ATP6V0D1: variants seen among roughly 807,000 people sequenced by gnomAD.
ATP6V0D1 encodes V-type proton ATPase subunit d 1.
Under a neutral mutation model 39.0 loss-of-function variants are expected in ATP6V0D1, and 13 were observed. That is an observed-to-expected ratio of 0.33 (90% CI 0.22 to 0.53). ATP6V0D1 has a LOEUF of 0.53. Among genes scored for constraint, ATP6V0D1 ranks in the 20% least tolerant of loss-of-function variants. The pLI is 0.94. For missense variants in ATP6V0D1, 272 were observed against 470.9 expected (o/e 0.58, Z 3.91); for synonymous variants, 191 against 191.2 (o/e 1.00, Z 0.01).
At chr16:67,460,960 C>A (rs1180542610) in intron 1 of ATP6V0D1, among the ~76,000 whole-genome samples, 2 of 152,232 alleles carry the variant, frequency 1.3e-5, no homozygotes, top group African/African-American at 4.8e-5. Flanking sequence ...TGGAATCTCT[C>A]TGGAACCAGG....
At chr16:67,472,602 T>C (rs1245040214) in intron 1 of ATP6V0D1, among the ~76,000 whole-genome samples, 1 of 152,160 alleles carries the variant, frequency 6.6e-6, no homozygotes, top group African/African-American at 2.4e-5. Flanking sequence ...GCGCGGTGGC[T>C]CATGCCTGTA....
rs1181594588 is a variant in ATP6V0D1, at chr16:67,438,546, G to GT, written c.1037dup (p.Asn346LysfsTer49). 6.2e-7 allele frequency: 1 copy of GT among 1,614,240 alleles called. No homozygotes were observed. Among genetic ancestry groups the GT allele is most frequent in the Non-Finnish European group, 8.5e-7 (1 of 1,180,046 alleles). On this transcript the variant is annotated frameshift_variant, in exon 8 of 8. Coordinates refer to ENST00000290949, the MANE Select transcript of ATP6V0D1 (RefSeq NM_004691.5). LOFTEE classifies it high-confidence loss of function. ...CAGGACGCTAGAAGATAGGGATGTA[G>GT]TTGTCGATTTTGGCGCGGTGGCGCT...
chr16:67,472,848 C>A (rs28367158), intron 1 of ATP6V0D1, among the ~76,000 whole-genome samples: 12,411 of 152,106 alleles, frequency 0.082, 1,671 homozygotes, highest in African/African-American at 0.28. Context: ...CCAGCCTGGG[C>A]AACAGAGCAA....
chr16:67,473,356 T>A (rs1359724843), intron 1 of ATP6V0D1, among the ~76,000 whole-genome samples: 4 of 144,110 alleles, frequency 2.8e-5, no homozygotes, highest in Admixed American at 6.9e-5. Context: ...GTTTTAGGAC[T>A]TTTTTTTTTT....
At chr16:67,445,585 C>G (rs1281148576) in intron 2 of ATP6V0D1, among the ~76,000 whole-genome samples, 1 of 152,198 alleles carries the variant, frequency 6.6e-6, no homozygotes, top group Non-Finnish European at 1.5e-5. Context: ...CCAGGACGGC[C>G]TGGATAAGAC....
At position 67,438,547 on chromosome 16, in the gene ATP6V0D1, T is replaced by C; in HGVS notation, c.1037A>G (p.Asn346Ser). The C allele has an allele frequency of 6.2e-7, 1 of 1,613,986 alleles. No individual in the cohort carries two copies. Reference protein sequence around the residue: ...IAQRHRAKIDNYIPIF With the variant: ...IAQRHRAKIDSYIPIF ...AGGACGCTAGAAGATAGGGATGTAG[T>C]TGTCGATTTTGGCGCGGTGGCGCTG... The change falls in exon 8 of 8, where the codon AAC (asparagine) becomes AGC (serine). Residue 346 changes from asparagine (N) to serine (S), a missense_variant. Physicochemically the swap from Asn to Ser is conservative, Grantham distance 46. Transcript: ENST00000290949.
At chr16:67,477,729 G>A (rs1290985990) in intron 1 of ATP6V0D1, among the ~76,000 whole-genome samples, 1 of 151,952 alleles carries the variant, frequency 6.6e-6, no homozygotes, top group Non-Finnish European at 1.5e-5. Context: ...CTGGAGCACA[G>A]TGGCTCGATC....
chr16:67,463,020 G>A (rs533311428), intron 1 of ATP6V0D1, among the ~76,000 whole-genome samples: 3 of 152,264 alleles, frequency 2.0e-5, no homozygotes, highest in African/African-American at 7.2e-5. Flanking sequence ...CTCCCTAGAG[G>A]TGGCTGTTCT....
At chr16:67,473,227 G>A (rs369878748) in intron 1 of ATP6V0D1, among the ~76,000 whole-genome samples, 3 of 152,238 alleles carry the variant, frequency 2.0e-5, no homozygotes, top group South Asian at 4.2e-4. Flanking sequence ...GGCTGGGGGG[G>A]GTGGCGCAGC....
At chr16:67,478,344 G>A (rs953964336) in intron 1 of ATP6V0D1, among the ~76,000 whole-genome samples, 5 of 152,158 alleles carry the variant, frequency 3.3e-5, no homozygotes, top group African/African-American at 1.2e-4. Flanking sequence ...CAAGCGTGGT[G>A]GCTCACGCCT....
chr16:67,453,226 G>A lies in ATP6V0D1; in HGVS notation c.302+318C>T, dbSNP rs1458393412. On this transcript the variant is annotated intron_variant, in intron 2 of 7. Coordinates refer to ENST00000290949, the MANE Select transcript of ATP6V0D1 (RefSeq NM_004691.5). This position sits in a 1 kb window ranked among gnomAD's most constrained non-coding sequence, Gnocchi z 4.1. ...TTTCCCTGCCCCAGTCTATGTGACT[G>A]GGGGAAGAGGCTTCATCCAGCACTA... 6.6e-6 allele frequency among the ~76,000 whole-genome samples: 1 copy of A among 151,760 alleles called. No individual in the cohort carries two copies. Among genetic ancestry groups the A allele is most frequent in the African/African-American group, 2.4e-5 (1 of 41,288 alleles).
At chr16:67,478,562 G>A (rs993170937) in intron 1 of ATP6V0D1, among the ~76,000 whole-genome samples, 9 of 150,828 alleles carry the variant, frequency 6.0e-5, no homozygotes, top group African/African-American at 1.2e-4. Context: ...TGCAGTGAGC[G>A]GAGATCGCGC....
intron 1 of ATP6V0D1, among the ~76,000 whole-genome samples, chr16:67,480,015 C>T (rs1286076219): frequency 8.9e-6 from 1 of 112,440 alleles, no homozygotes; most frequent in Admixed American, 7.8e-5. Flanking sequence ...CCGGCTAAAA[C>T]GGTGAAACCC....
rs759220129 is a variant in ATP6V0D1, at chr16:67,453,510, G to C, written c.302+34C>G. 6.2e-7 allele frequency: 1 copy of C among 1,610,376 alleles called. No individual in the cohort carries two copies. Among genetic ancestry groups the C allele is most frequent in the Non-Finnish European group, 8.5e-7 (1 of 1,177,408 alleles). On this transcript the variant is annotated intron_variant, in intron 2 of 7. Coordinates refer to ENST00000290949, the MANE Select transcript of ATP6V0D1 (RefSeq NM_004691.5). This position sits in a 1 kb window ranked among gnomAD's most constrained non-coding sequence, Gnocchi z 4.1. ...CCTGCAGGTGTAGCTATCCTGCCCA[G>C]GTAAGAGAAGAAGGCGCTACAAAGC...
intron 1 of ATP6V0D1, among the ~76,000 whole-genome samples, chr16:67,477,647 A>G (rs540042519): frequency 4.3e-4 from 66 of 152,014 alleles, no homozygotes; most frequent in African/African-American, 1.6e-3. Context: ...TCTTATTTGT[A>G]TATGTTTGAC....
chr16:67,441,413 G>C (rs1234803493), intron 4 of ATP6V0D1: 2 of 152,312 alleles, frequency 1.3e-5, no homozygotes, highest in Non-Finnish European at 2.9e-5. Flanking sequence ...TTATGAGCTA[G>C]TGCCTGGGCA....
intron 1 of ATP6V0D1, among the ~76,000 whole-genome samples, chr16:67,460,654 C>A (rs1403995453): frequency 6.6e-6 from 1 of 152,128 alleles, no homozygotes; most frequent in Non-Finnish European, 1.5e-5. Flanking sequence ...TATCAAATGC[C>A]AGCTTTCCCC....
At chr16:67,457,509 G>T in intron 1 of ATP6V0D1, 1 of 1,206,612 alleles carries the variant, frequency 8.3e-7, no homozygotes, top group Non-Finnish European at 1.1e-6. Flanking sequence ...GGTGGGAGAA[G>T]CCAGGGCATG....
chr16:67,443,519 A>G, intron 3 of ATP6V0D1: 1 of 255,910 alleles, frequency 3.9e-6, no homozygotes, highest in Non-Finnish European at 7.6e-6. Context: ...CTGGAGGGGC[A>G]GCTGTGGATT....
Sources: gnomAD v4.1 joint callset for allele counts (sites outside exome capture counted in the v4.1 genomes callset) on GRCh38, gnomAD v4.1.1 for gene constraint, Gnocchi (gnomAD v3.1) non-coding constraint, MANE v1.5 for transcripts, NCBI Gene and HGNC (gene_info 2026-07-23, HGNC 2026-07-21) for gene names.